Variants in PDE4D observed in about 807,000 individuals in gnomAD.
PDE4D encodes the protein phosphodiesterase 4D.
Under a neutral mutation model 87.4 loss-of-function variants are expected in PDE4D, and 24 were observed. The ratio of observed to expected loss-of-function variants is 0.27; its 90% CI spans 0.20 to 0.39. The LOEUF is 0.39. Ranked by LOEUF, PDE4D falls within the 10% of genes least tolerant of loss-of-function variation. PDE4D has a pLI of 1.00. For missense variants in PDE4D, 714 were observed against 1,041.0 expected (o/e 0.69, Z 4.32); for synonymous variants, 384 against 383.2 (o/e 1.00, Z -0.02).
chr5:59,460,662 C>T (rs1800632386), intron 1 of PDE4D, among the ~76,000 whole-genome samples: 1 of 152,104 alleles, frequency 6.6e-6, no homozygotes, highest in Non-Finnish European at 1.5e-5. Flanking sequence ...ACTGCCTTTT[C>T]CTGGAAAAAG....
At chr5:59,798,424 T>C (rs1766752710) in intron 1 of PDE4D, among the ~76,000 whole-genome samples, 2 of 152,146 alleles carry the variant, frequency 1.3e-5, no homozygotes, top group South Asian at 4.1e-4. Context: ...TAATATTACA[T>C]GAAAGCCCAT....
intron 1 of PDE4D, among the ~76,000 whole-genome samples, chr5:59,559,444 A>T (rs1389012327): frequency 6.6e-6 from 1 of 152,208 alleles, no homozygotes; most frequent in Non-Finnish European, 1.5e-5. Context: ...ACTTTGTTTA[A>T]GGAAACGAAC....
intron 6 of PDE4D, among the ~76,000 whole-genome samples, chr5:58,998,460 A>T (rs1015968044): frequency 1.3e-5 from 2 of 152,200 alleles, no homozygotes; most frequent in African/African-American, 4.8e-5. Context: ...GAAATGGCTA[A>T]CAAAATTCAA....
chr5:59,094,950 A>G (rs78153730), intron 5 of PDE4D, among the ~76,000 whole-genome samples: 1,758 of 152,186 alleles, frequency 0.012, 44 homozygotes, highest in African/African-American at 0.04. Context: ...TGAATCCGGG[A>G]ATCAACAAGC....
rs142685413 is a variant in PDE4D at position 59,955,647 on chromosome 5, T to C, written c.272+32841A>G. ...ATTTTTGTCCCAATCATTTTAACCATGGCAAGAGCCAGCTATAAGGATTGC... is the reference window on the plus strand; with the variant it reads ...ATTTTTGTCCCAATCATTTTAACCACGGCAAGAGCCAGCTATAAGGATTGC... On this transcript the variant is annotated intron_variant, in intron 3 of 16. Coordinates refer to the PDE4D transcript ENST00000502484. 1.2e-3 allele frequency among the ~76,000 whole-genome samples: 185 copies of C among 152,288 alleles called. 1 individual carries two copies. Among genetic ancestry groups the C allele is most frequent in the Non-Finnish European group, 2.3e-3 (156 of 68,012 alleles).
intron 2 of PDE4D, among the ~76,000 whole-genome samples, chr5:60,013,137 C>T (rs1339989755): frequency 1.3e-5 from 2 of 152,086 alleles, no homozygotes; most frequent in African/African-American, 4.8e-5. Flanking sequence ...CTTTTTTGGA[C>T]CCCGTATAAT....
intron 3 of PDE4D, among the ~76,000 whole-genome samples, chr5:59,190,112 T>C (rs944764582): frequency 9.2e-5 from 14 of 152,166 alleles, no homozygotes; most frequent in Non-Finnish European, 1.9e-4. Flanking sequence ...ATGATTCGTG[T>C]TTTGGAGATG....
chr5:59,742,911 C>A (rs1273895148), intron 1 of PDE4D, among the ~76,000 whole-genome samples: 2 of 152,104 alleles, frequency 1.3e-5, no homozygotes, highest in Admixed American at 6.6e-5. Flanking sequence ...ATAAAGGGAA[C>A]AATTACATAT....
At chr5:60,469,392 C>T (rs1698872008) in intron 1 of PDE4D, among the ~76,000 whole-genome samples, 1 of 152,180 alleles carries the variant, frequency 6.6e-6, no homozygotes. Flanking sequence ...CAACACTCAG[C>T]TTTTTCTTCT....
intron 2 of PDE4D, chr5:60,033,128 G>A (rs1767424499): frequency 6.6e-6 from 1 of 152,160 alleles, no homozygotes; most frequent in South Asian, 2.1e-4. Context: ...TTTACTCACT[G>A]AGACCTACAA....
chr5:59,867,075 G>A (rs527703148), intron 1 of PDE4D, among the ~76,000 whole-genome samples: 1 of 152,230 alleles, frequency 6.6e-6, no homozygotes, highest in African/African-American at 2.4e-5. Flanking sequence ...AGACTAGATG[G>A]CACAGGTCAC....
At chr5:59,082,085 G>C (rs1004901794) in intron 5 of PDE4D, among the ~76,000 whole-genome samples, 2 of 152,106 alleles carry the variant, frequency 1.3e-5, no homozygotes, top group Non-Finnish European at 2.9e-5. Flanking sequence ...AGAACTGTGA[G>C]TCAATTAAAC....
chr5:59,128,701 A>G (rs956455021), intron 5 of PDE4D, among the ~76,000 whole-genome samples: 2 of 152,240 alleles, frequency 1.3e-5, no homozygotes, highest in African/African-American at 4.8e-5. Flanking sequence ...GGTATCCACC[A>G]ACCAAATAAT....
intron 1 of PDE4D, among the ~76,000 whole-genome samples, chr5:59,683,418 T>C (rs1286520673): frequency 6.6e-6 from 1 of 152,238 alleles, no homozygotes; most frequent in African/African-American, 2.4e-5. Context: ...ATTAACTTTA[T>C]GGCTTATAGA....
intron 1 of PDE4D, among the ~76,000 whole-genome samples, chr5:59,816,673 C>A (rs1012861064): frequency 6.6e-6 from 1 of 152,128 alleles, no homozygotes; most frequent in Non-Finnish European, 1.5e-5. Flanking sequence ...CCCTCACTAC[C>A]GCTATGTACA....
In PDE4D at chr5:59,915,506, T is replaced by C. The variant is rs73761047; in HGVS notation, c.272+72982A>G. ...AATAAGCTTTGTGGCAGCTGTCAGCTTCAGCAGACCTTGGAAAGGAAAATG... is the reference window on the plus strand; with the variant it reads ...AATAAGCTTTGTGGCAGCTGTCAGCCTCAGCAGACCTTGGAAAGGAAAATG... On this transcript the variant is annotated intron_variant, in intron 3 of 16. Transcript: ENST00000502484. 5.2e-3 allele frequency among the ~76,000 whole-genome samples: 797 copies of C among 152,350 alleles called. 3 individuals carry two copies. Among genetic ancestry groups the C allele is most frequent in the African/African-American group, 0.018 (768 of 41,590 alleles).
chr5:60,035,962 T>C (rs774041699), intron 2 of PDE4D, among the ~76,000 whole-genome samples: 2 of 152,192 alleles, frequency 1.3e-5, no homozygotes, highest in African/African-American at 4.8e-5. Context: ...AACAACCAAA[T>C]AAGTTAATTA....
At chr5:59,794,861 T>C (rs1170119340) in intron 1 of PDE4D, among the ~76,000 whole-genome samples, 1 of 152,140 alleles carries the variant, frequency 6.6e-6, no homozygotes, top group African/African-American at 2.4e-5. Context: ...AAAGAGCTTG[T>C]AGATAGGCCC....
intron 1 of PDE4D, among the ~76,000 whole-genome samples, chr5:59,539,995 G>A (rs1200524451): frequency 1.3e-5 from 2 of 152,168 alleles, no homozygotes; most frequent in Admixed American, 1.3e-4. Context: ...ATACATCAGA[G>A]TGTCCTGGAG....
Sources: allele counts gnomAD v4.1 joint callset (sites outside exome capture counted in the v4.1 genomes callset), GRCh38; gene constraint gnomAD v4.1.1; transcripts MANE v1.5; gene names NCBI Gene and HGNC (gene_info 2026-07-23, HGNC 2026-07-21).